The following LYST variants were observed in gnomAD, a reference collection of about 807,000 sequenced individuals.
The protein encoded by LYST is lysosomal trafficking regulator.
In LYST, 192 loss-of-function variants were observed where a neutral mutation model predicts 413.6. The observed-to-expected ratio is 0.46, with a 90% CI of 0.41 to 0.52. The LOEUF is 0.52. Among genes scored for constraint, LYST ranks in the 20% least tolerant of loss-of-function variants. The pLI, the probability that LYST is intolerant of heterozygous loss-of-function variation, is 0.00. For missense variants in LYST, 3,815 were observed against 4,499.9 expected (o/e 0.85, Z 4.35); for synonymous variants, 1,525 against 1,567.3 (o/e 0.97, Z 0.64).
Position 235,720,740 on chromosome 1 carries a change from T to A in LYST, c.9481A>T (p.Met3161Leu). The A allele has an allele frequency of 6.2e-7, 1 of 1,608,710 alleles. No homozygotes were observed. Among genetic ancestry groups the A allele is most frequent in the South Asian group, 1.1e-5 (1 of 90,968 alleles). Residue 3161 changes from methionine to leucine, a missense_variant, in exon 40 of 53, where the codon ATG becomes TTG. This residue lies in a region of LYST where 866 missense variants were observed against 1,156.0 expected (regional missense o/e 0.75). Transcript: ENST00000389793. ...ATAAATGGGAACACAGGATACTGCA[T>A]GAGATCATTGAAGGATCGGCCAGCA... is the stretch of plus-strand genomic sequence containing the variant. ...KHAGRSFNDL[M>L]QYPVFPFILA...
intron 10 of LYST, among the ~76,000 whole-genome samples, chr1:235,794,303 G>A (rs972608313): frequency 2.0e-5 from 3 of 152,160 alleles, no homozygotes; most frequent in East Asian, 3.9e-4. Flanking sequence ...TTTTAAGTAC[G>A]AAATTAGATG....
intron 3 of LYST, chr1:235,829,386 G>C (rs1371422788): frequency 6.6e-6 from 1 of 151,954 alleles, no homozygotes; most frequent in Non-Finnish European, 1.5e-5. Context: ...TTTATTTAAT[G>C]ATGGCCAATT....
chr1:235,828,325 T>C (rs899560945), intron 3 of LYST: 27 of 196,054 alleles, frequency 1.4e-4, no homozygotes, highest in Non-Finnish European at 1.8e-4. Flanking sequence ...TTGGAGGTGA[T>C]GAAAATATTC....
intron 4 of LYST, among the ~76,000 whole-genome samples, chr1:235,812,705 G>C (rs1271942382): frequency 6.6e-6 from 1 of 151,912 alleles, no homozygotes; most frequent in Non-Finnish European, 1.5e-5. Context: ...TGCACACCTA[G>C]ACTCACTCCT....
chr1:235,872,379 C>T (rs969484710), intron 1 of LYST, among the ~76,000 whole-genome samples: 11 of 151,534 alleles, frequency 7.3e-5, no homozygotes, highest in Admixed American at 4.6e-4. Context: ...GAAAACTGCC[C>T]ATTTTTCTGC....
intron 40 of LYST, among the ~76,000 whole-genome samples, chr1:235,717,423 A>G (rs1044003455): frequency 1.7e-4 from 26 of 152,242 alleles, no homozygotes; most frequent in African/African-American, 6.0e-4. Flanking sequence ...ACACCACATG[A>G]CACCATTCCT....
intron 47 of LYST, among the ~76,000 whole-genome samples, chr1:235,692,385 C>A (rs368492988): frequency 2.0e-5 from 3 of 151,484 alleles, no homozygotes; most frequent in African/African-American, 7.2e-5. Flanking sequence ...ATCAGTCTGA[C>A]TCTTTTTTTT....
chr1:235,689,369 C>T (rs1660471859), intron 47 of LYST, among the ~76,000 whole-genome samples: 1 of 152,126 alleles, frequency 6.6e-6, no homozygotes, highest in African/African-American at 2.4e-5. Context: ...CTGGGGGACA[C>T]TGTATTAAGT....
chr1:235,777,691 T>C (rs1199001801), intron 16 of LYST, among the ~76,000 whole-genome samples: 1 of 152,236 alleles, frequency 6.6e-6, no homozygotes, highest in Non-Finnish European at 1.5e-5. Context: ...GTCAATTTAT[T>C]TGAAATTTTT....
chr1:235,815,861 G>A (rs1467563025), intron 3 of LYST, among the ~76,000 whole-genome samples: 2 of 152,084 alleles, frequency 1.3e-5, no homozygotes, highest in African/African-American at 2.4e-5. Flanking sequence ...GGCCGGGCGC[G>A]GTGGCTCACG....
intron 1 of LYST, among the ~76,000 whole-genome samples, chr1:235,837,624 CAAAA>C (rs34107122): frequency 2.4e-4 from 29 of 121,496 alleles, no homozygotes; most frequent in Admixed American, 8.8e-4. Context: ...GACCCTGTTT[CAAAA>C]AAAAAAAAAA....
chr1:235,846,648 T>C (rs1677913085), intron 1 of LYST, among the ~76,000 whole-genome samples: 1 of 151,626 alleles, frequency 6.6e-6, no homozygotes, highest in South Asian at 2.1e-4. Context: ...AAGGGAGAAA[T>C]ATTCAAAGAA....
chr1:235,782,172 G>T, intron 14 of LYST, 85 bp from the exon 15 acceptor site: 1 of 1,194,292 alleles, frequency 8.4e-7, no homozygotes, highest in Non-Finnish European at 1.2e-6. Context: ...ATTTAACAAT[G>T]GGGAATTCTT....
intron 21 of LYST, among the ~76,000 whole-genome samples, chr1:235,765,044 T>G (rs1667994907): frequency 1.3e-5 from 2 of 152,192 alleles, no homozygotes; most frequent in African/African-American, 4.8e-5. Flanking sequence ...CTTGCTCTAC[T>G]TTTCTTCAGT....
chr1:235,665,192 AATC>A (rs1278819663), intron 50 of LYST, among the ~76,000 whole-genome samples: 4 of 152,210 alleles, frequency 2.6e-5, no homozygotes, highest in African/African-American at 9.6e-5. Context: ...AAGGTAAAAT[AATC>A]ATCTTTGTGT....
intron 3 of LYST, chr1:235,828,973 C>T (rs752471768): frequency 3.2e-5 from 8 of 250,086 alleles, no homozygotes; most frequent in South Asian, 1.5e-4. Context: ...GGGAGGCCAA[C>T]GGGGGTAGAC....
chr1:235,781,023 G>A lies in LYST; in HGVS notation c.5056C>T (p.Leu1686=), dbSNP rs747334123. The change falls in exon 16 of 53, where the codon CTG becomes TTG. Residue 1686 remains leucine, a synonymous_variant. Coordinates refer to ENST00000389793, the MANE Select transcript of LYST (RefSeq NM_000081.4). ...GTATGGTTGGGTCCACAAGCATACAGATAAAAGGCCTCTTGTGAACCAACC... is the reference window on the plus strand; with the variant it reads ...GTATGGTTGGGTCCACAAGCATACAAATAAAAGGCCTCTTGTGAACCAACC... ...AKVGSQEAFY[L]YACGPNHTSV... 1.2e-6 allele frequency: 2 copies of A among 1,612,346 alleles called. No individual in the cohort carries two copies. Among genetic ancestry groups the A allele is most frequent in the Non-Finnish European group, 1.7e-6 (2 of 1,178,900 alleles).
intron 1 of LYST, among the ~76,000 whole-genome samples, chr1:235,873,555 C>A (rs1230251738): frequency 6.6e-6 from 1 of 152,172 alleles, no homozygotes; most frequent in African/African-American, 2.4e-5. Flanking sequence ...CACACAAACA[C>A]ACATAGTTGT....
At chr1:235,738,037 T>A in intron 31 of LYST, 1 of 1,563,294 alleles carries the variant, frequency 6.4e-7, no homozygotes, top group Non-Finnish European at 8.7e-7. Context: ...CACAGTCTTC[T>A]AAAGGAAGAA....
Sources: allele counts gnomAD v4.1 joint callset (sites outside exome capture counted in the v4.1 genomes callset), GRCh38; gene constraint gnomAD v4.1.1; regional missense constraint gnomAD v4.1.1; transcripts MANE v1.5; gene names NCBI Gene and HGNC (gene_info 2026-07-23, HGNC 2026-07-21).